Variants in SMYD5 observed in about 807,000 individuals in gnomAD.
SMYD5 encodes the protein SMYD family member 5.
In SMYD5, 35 loss-of-function variants were observed where a neutral mutation model predicts 57.4. The ratio of observed to expected loss-of-function variants is 0.61; its 90% CI spans 0.47 to 0.81. SMYD5 has a LOEUF of 0.81. Among genes scored for constraint, SMYD5 ranks in the 30% least tolerant of loss-of-function variants. SMYD5 has a pLI of 0.00. For synonymous variants in SMYD5, 198 were observed against 189.7 expected, an observed-to-expected ratio of 1.04 and a Z score of -0.36; for missense variants, 471 against 527.9, an observed-to-expected ratio of 0.89 and a Z score of 1.06.
Position 73,227,220 on chromosome 2 carries a change from G to GA in SMYD5, c.*1275dup. ...CTGTTCTCAATAAAATGTGAGTGGT[G>GA]AGAGGCCTCTGCAGGAATGCTTTGT... On this transcript the variant is annotated 3_prime_UTR_variant, in exon 13 of 13. Transcript: ENST00000389501. 6.5e-6 allele frequency: 1 copy of GA among 152,786 alleles called. No homozygotes were observed. The highest frequency in any genetic ancestry group is 2.4e-5 in the African/African-American group (1 of 41,594). The allele number at this position is 152,786 out of a possible 1,614,324, so 9.5% of individuals were successfully genotyped here. A position where few individuals can be genotyped will look rare whatever the true frequency, so the allele number is the denominator to read the frequency against.
chr2:73,225,133 C>T (rs1248802772), intron 11 of SMYD5, 173 bp downstream of exon 11: 17 of 569,498 alleles, frequency 3.0e-5, no homozygotes, highest in African/African-American at 1.1e-4. Flanking sequence ...AACCCTACCT[C>T]GCTTTTTCAA....
chr2:73,215,513 G>C lies in SMYD5; in HGVS notation c.96+1151G>C, dbSNP rs148494174. Among the ~76,000 whole-genome samples, 15 of 152,178 alleles carry C rather than the reference G, an allele frequency of 9.9e-5. 1 individual carries two copies. The highest frequency in any genetic ancestry group is 3.4e-3 in the Middle Eastern group (1 of 294). ...GGTAAATCAGCTTCCCTACATCCCT[G>C]GTCTCCTTACCTGTTCCTATCTCCA... On this transcript the variant is annotated intron_variant, in intron 1 of 12. Transcript: ENST00000389501.
At chr2:73,221,779 T>G in intron 5 of SMYD5, 47 bp from the exon 6 acceptor site, 56 of 1,336,076 alleles carry the variant, frequency 4.2e-5, no homozygotes, top group Non-Finnish European at 5.7e-5. Context: ...GGAGTGCCAG[T>G]GAGAAGGTGG....
chr2:73,220,788 T>C lies in SMYD5; in HGVS notation c.467+6T>C. 6.2e-7 allele frequency: 1 copy of C among 1,613,628 alleles called. No individual in the cohort carries two copies. The highest frequency in any genetic ancestry group is 8.5e-7 in the Non-Finnish European group (1 of 1,179,896). The stretch of plus-strand genomic sequence containing the variant: ...AAGCTTCAGGAGGCATGGAGGTAGG[T>C]TTCTTTTCCTCTCTTCTTTCCTTTA... On this transcript the variant is annotated splice_donor_region_variant and intron_variant, in intron 4 of 12. Transcript: ENST00000389501.
chr2:73,220,555 G>A, intron 3 of SMYD5, 106 bp from the exon 4 acceptor site: 1 of 1,346,360 alleles, frequency 7.4e-7, no homozygotes, highest in Non-Finnish European at 1.0e-6. Flanking sequence ...CTCTTCTCAT[G>A]ATACATCTGA....
rs149599785 is a variant in SMYD5, at chr2:73,221,914, T to C, written c.626T>C (p.Leu209Pro). The change falls in exon 6 of 13, where the codon CTG becomes CCG. Residue 209 changes from leucine to proline, a missense_variant. Transcript: ENST00000389501. ...GAGGAGGAAATTGTCCATAAACTTC[T>C]GGGAGACAAATTCAAGGTTATTATT... Reference protein sequence around the residue: ...NEEEEIVHKLLGDKFKGQLEL... With the variant: ...NEEEEIVHKLPGDKFKGQLEL... The C allele has an allele frequency of 6.8e-6, 11 of 1,609,214 alleles. No homozygotes were observed. In the African/African-American group the frequency reaches 1.3e-4, roughly 20 times the overall value.
chr2:73,214,785 G>T, intron 1 of SMYD5: 1 of 1,311,884 alleles, frequency 7.6e-7, no homozygotes, highest in South Asian at 1.2e-5. Flanking sequence ...GATCCTTCAC[G>T]AGGGTCCTTG....
Position 73,226,835 on chromosome 2 carries a change from C to A in SMYD5, c.*889C>A, listed in dbSNP as rs930143659. 6.5e-6 allele frequency: 1 copy of A among 152,726 alleles called. No individual in the cohort carries two copies. The allele number at this position is 152,726 out of a possible 1,614,324, so 9.5% of individuals were successfully genotyped here. ...ATGGGTCAGTGAGGGGCTCTCCTGGCCTCAATCTCCATCTTTAGGGTCTCC... is the reference window on the plus strand; with the variant it reads ...ATGGGTCAGTGAGGGGCTCTCCTGGACTCAATCTCCATCTTTAGGGTCTCC... On this transcript the variant is annotated 3_prime_UTR_variant, in exon 13 of 13. Coordinates refer to ENST00000389501, the MANE Select transcript of SMYD5 (RefSeq NM_006062.3).
chr2:73,220,187 C>A lies in SMYD5; in HGVS notation c.342C>A (p.Cys114Ter). The change falls in exon 3 of 13, where the codon TGC becomes TGA. Residue 114 changes from cysteine (C) to a stop codon, truncating the protein, a stop_gained. Transcript: ENST00000389501. LOFTEE classifies it high-confidence loss of function. ...RKDLHQNCPH[C>*]QVMYCSAECR... is the part of the protein sequence containing the mutation. ...ACCTCCACCAGAACTGTCCCCATTG[C>A]CAAGTGAGTATTCTTGGGGAGTGTA... is the stretch of plus-strand genomic sequence containing the variant. 2 of 1,613,990 alleles carry A rather than the reference C, an allele frequency of 1.2e-6. No individual in the cohort carries two copies. The highest frequency in any genetic ancestry group is 1.7e-6 in the Non-Finnish European group (2 of 1,179,912).
At position 73,224,012 on chromosome 2, in the gene SMYD5, T is replaced by C. The variant is rs1460116349; in HGVS notation, c.940+9T>C. Reference sequence around the variant, plus strand: ...TGTGCTTCAGAGCTGCTGTGAGTCATGGCGTTGAGGAGGGATGGTCCCAGG... The same window carrying C: ...TGTGCTTCAGAGCTGCTGTGAGTCACGGCGTTGAGGAGGGATGGTCCCAGG... On this transcript the variant is annotated intron_variant, in intron 10 of 12. Transcript: ENST00000389501. The C allele has an allele frequency of 1.9e-6, 3 of 1,613,880 alleles. No homozygotes were observed. Among genetic ancestry groups the C allele is most frequent in the Non-Finnish European group, 8.5e-7 (1 of 1,179,730 alleles).
In SMYD5 at chr2:73,223,823, G is replaced by T. The variant is rs531345147; in HGVS notation, c.884-124G>T. 3.4e-5 allele frequency: 30 copies of T among 889,574 alleles called. No homozygotes were observed. In the African/African-American group the frequency reaches 4.8e-4, roughly 14 times the overall value. 55.1% of individuals were successfully genotyped at this position (889,574 alleles called of 1,614,324 possible). On this transcript the variant is annotated intron_variant, in intron 9 of 12. Coordinates refer to ENST00000389501, the MANE Select transcript of SMYD5 (RefSeq NM_006062.3). ...AGGCAAGTTTAGGTAAGATGGTAGG[G>T]ACTGATGCCTTAGTGTGGTGGGGTT...
At chr2:73,214,716 G>A (rs774280425) in intron 1 of SMYD5, 85 of 1,358,090 alleles carry the variant, frequency 6.3e-5, no homozygotes, top group Non-Finnish European at 8.0e-5. Flanking sequence ...GTGTAAAAGA[G>A]GGAGTCCTCA....
At position 73,218,896 on chromosome 2, in the gene SMYD5, G is replaced by A; in HGVS notation, c.132G>A (p.Lys44=). 2.5e-6 allele frequency: 4 copies of A among 1,614,130 alleles called. No homozygotes were observed. The highest frequency in any genetic ancestry group is 3.4e-6 in the Non-Finnish European group (4 of 1,179,984). ...KGLFATQLIR[K]GETIFVERPL... ...TGTTTGCCACACAGCTCATCCGGAA[G>A]GGGGAGACCATCTTCGTAGAACGGC... is the stretch of plus-strand genomic sequence containing the variant. The change falls in exon 2 of 13, where the codon AAG becomes AAA. Residue 44 remains lysine (K), a synonymous_variant. Coordinates refer to ENST00000389501, the MANE Select transcript of SMYD5 (RefSeq NM_006062.3).
chr2:73,214,981 G>A (rs531648823), intron 1 of SMYD5: 5 of 282,588 alleles, frequency 1.8e-5, no homozygotes, highest in African/African-American at 2.3e-5. Context: ...GTGCAAAGAT[G>A]AGTACGTTAA....
At chr2:73,215,898 C>T (rs1375078518) in intron 1 of SMYD5, among the ~76,000 whole-genome samples, 1 of 151,964 alleles carries the variant, frequency 6.6e-6, no homozygotes, top group Non-Finnish European at 1.5e-5. Context: ...TGTTATTTTC[C>T]TCAAGTTGCC....
At chr2:73,222,947 G>C in intron 7 of SMYD5, 89 bp from the exon 8 acceptor site, 2 of 1,490,438 alleles carry the variant, frequency 1.3e-6, no homozygotes, top group South Asian at 1.1e-5. Context: ...AGATGAGCCT[G>C]ACTCACAGAA....
At chr2:73,214,574 C>T in intron 1 of SMYD5, 1 of 1,493,916 alleles carries the variant, frequency 6.7e-7, no homozygotes, top group Middle Eastern at 2.4e-4. Context: ...AGTCTCCGTG[C>T]GCATTTCCTC....
At position 73,224,983 on chromosome 2, in the gene SMYD5, G is replaced by C. The variant is rs747486217; in HGVS notation, c.1035+23G>C. 3.8e-6 allele frequency: 6 copies of C among 1,579,446 alleles called. No homozygotes were observed. In the Admixed American group the frequency reaches 1.0e-4, roughly 26 times the overall value. On this transcript the variant is annotated intron_variant, in intron 11 of 12. Transcript: ENST00000389501. ...GAGGTGAGGGGGACCAGGAACCGTC[G>C]GGATGGGTGGGCAGTAGGCCTTGGA...
In SMYD5 at chr2:73,221,894, G is replaced by T; in HGVS notation, c.606G>T (p.Glu202Asp). The T allele has an allele frequency of 6.2e-7, 1 of 1,613,544 alleles. No individual in the cohort carries two copies. Among genetic ancestry groups the T allele is most frequent in the Non-Finnish European group, 8.5e-7 (1 of 1,179,438 alleles). ...GTAACAAAACAGCCAATGAAGAGGA[G>T]GAAATTGTCCATAAACTTCTGGGAG... ...QFCNKTANEE[E>D]EIVHKLLGDK... Residue 202 changes from glutamate to aspartate, a missense_variant, in exon 6 of 13, where the codon GAG becomes GAT. By Grantham distance (45) the Glu-to-Asp change is conservative (BLOSUM62 2). Transcript: ENST00000389501.
Sources: allele counts gnomAD v4.1 joint callset (sites outside exome capture counted in the v4.1 genomes callset), GRCh38; gene constraint gnomAD v4.1.1; transcripts MANE v1.5; gene names NCBI Gene and HGNC (gene_info 2026-07-23, HGNC 2026-07-21).